BOD1L1: variants seen among roughly 807,000 people sequenced by gnomAD.
BOD1L1 encodes biorientation of chromosomes in cell division 1 like 1.
BOD1L1 carries 86 observed loss-of-function variants against 240.7 expected under a neutral mutation model. That is an observed-to-expected ratio of 0.36 (90% CI 0.30 to 0.43). The LOEUF is 0.43. Among genes scored for constraint, BOD1L1 ranks in the 20% least tolerant of loss-of-function variants. BOD1L1 has a pLI of 1.00. For synonymous variants in BOD1L1, 1,268 were observed against 1,272.3 expected (o/e 1.00, Z 0.07); for missense variants, 3,554 against 3,643.5 (o/e 0.98, Z 0.63).
At chr4:13,576,321 A>C (rs1208320423) in intron 25 of BOD1L1, among the ~76,000 whole-genome samples, 2 of 152,156 alleles carry the variant, frequency 1.3e-5, no homozygotes, top group Admixed American at 6.5e-5. Flanking sequence ...TTCTGGCTAC[A>C]ATAGGGTTTG....
At chr4:13,590,144 C>T (rs1415636041) in intron 14 of BOD1L1, among the ~76,000 whole-genome samples, 1 of 152,154 alleles carries the variant, frequency 6.6e-6, no homozygotes, top group Non-Finnish European at 1.5e-5. Flanking sequence ...TGGCAAAGTT[C>T]TAGTAGCTAT....
At position 13,603,002 on chromosome 4, in the gene BOD1L1, C is replaced by T. The variant is rs553385389; in HGVS notation, c.3898G>A (p.Val1300Ile). Residue 1300 changes from valine to isoleucine, a missense_variant, in exon 10 of 26, where the codon GTA becomes ATA. Val to Ile is a conservative substitution (Grantham distance 29). Around this residue, in one of 2 missense-constraint regions of BOD1L1, gnomAD observed 3,393 missense variants for 3,427.1 expected, o/e 0.99. Coordinates refer to ENST00000040738, the MANE Select transcript of BOD1L1 (RefSeq NM_148894.3). ...GTTCTTTTGTCAAACAGAGGAATTACATCTGGATCATACGATTCCCTCAGA... is the reference window on the plus strand; with the variant it reads ...GTTCTTTTGTCAAACAGAGGAATTATATCTGGATCATACGATTCCCTCAGA... ...VPLRESYDPDVIPLFDKRTVL... is the reference protein window; with the variant it reads ...VPLRESYDPDIIPLFDKRTVL... 5 of 1,614,028 alleles carry T rather than the reference C, an allele frequency of 3.1e-6. No homozygotes were observed. Among genetic ancestry groups the T allele is most frequent in the African/African-American group, 1.3e-5 (1 of 75,062 alleles).
In BOD1L1 at chr4:13,600,774, C is replaced by T; in HGVS notation, c.6126G>A (p.Glu2042=). ...CTGTAGTTGCCATGAGACCATCACA[C>T]TCTTCATTTTCTACAGAGGTGATGA... ...EDIITSVENE[E]CDGLMATTAS... is the part of the protein sequence containing the mutation. The change falls in exon 10 of 26, where the codon GAG becomes GAA. Residue 2042 remains glutamate, a synonymous_variant. Transcript: ENST00000040738. 2 of 1,614,018 alleles carry T rather than the reference C, an allele frequency of 1.2e-6. No homozygotes were observed. Among genetic ancestry groups the T allele is most frequent in the African/African-American group, 1.3e-5 (1 of 75,050 alleles).
intron 12 of BOD1L1, among the ~76,000 whole-genome samples, chr4:13,594,885 A>C (rs1478618579): frequency 6.6e-6 from 1 of 152,148 alleles, no homozygotes; most frequent in Non-Finnish European, 1.5e-5. Flanking sequence ...ACAGAGTGAG[A>C]CTCCATCTCA....
At chr4:13,598,716 T>A (rs1714817310) in intron 10 of BOD1L1, among the ~76,000 whole-genome samples, 1 of 152,142 alleles carries the variant, frequency 6.6e-6, no homozygotes, top group South Asian at 2.1e-4. Flanking sequence ...TCCCCACACA[T>A]GAGAAATGGG....
At chr4:13,575,005 C>T (rs771473261) in intron 25 of BOD1L1, among the ~76,000 whole-genome samples, 3 of 151,612 alleles carry the variant, frequency 2.0e-5, no homozygotes, top group South Asian at 2.1e-4. Context: ...CTGCAACCTC[C>T]ACCTCCCGAG....
At chr4:13,625,238 T>C (rs1053488606) in intron 1 of BOD1L1, 2 of 152,254 alleles carry the variant, frequency 1.3e-5, no homozygotes, top group Non-Finnish European at 2.9e-5. Context: ...AATAGGTTCT[T>C]ATTCCATGGT....
intron 10 of BOD1L1, among the ~76,000 whole-genome samples, chr4:13,598,126 C>T (rs1714769607): frequency 6.6e-6 from 1 of 152,196 alleles, no homozygotes. Flanking sequence ...CCAATCTGGA[C>T]TGGTATAAAG....
intron 12 of BOD1L1, among the ~76,000 whole-genome samples, chr4:13,595,583 C>T (rs1382713196): frequency 6.6e-6 from 1 of 152,142 alleles, no homozygotes. Context: ...TGGGATAGAG[C>T]AAGAGTTTGC....
At position 13,604,420 on chromosome 4, in the gene BOD1L1, T is replaced by C. The variant is rs1560206522; in HGVS notation, c.2480A>G (p.Lys827Arg). ...TTTTTCAGCTGACAAGCGTCTCTCTTTTTTGTTGTTTTCTTTACGAACATT... is the reference window on the plus strand; with the variant it reads ...TTTTTCAGCTGACAAGCGTCTCTCTCTTTTGTTGTTTTCTTTACGAACATT... ...DENVRKENNK[K>R]ERRLSAEKTK... Residue 827 changes from lysine to arginine, a missense_variant, in exon 10 of 26, where the codon AAA becomes AGA. Lys to Arg is a conservative substitution (Grantham distance 26). Coordinates refer to ENST00000040738, the MANE Select transcript of BOD1L1 (RefSeq NM_148894.3). 6.4e-7 allele frequency: 1 copy of C among 1,572,546 alleles called. No individual in the cohort carries two copies. The highest frequency in any genetic ancestry group is 8.6e-7 in the Non-Finnish European group (1 of 1,169,050).
At chr4:13,592,063 T>TAAA in intron 12 of BOD1L1, 97 bp from the exon 13 acceptor site, 8 of 845,096 alleles carry the variant, frequency 9.5e-6, no homozygotes, top group Non-Finnish European at 1.4e-5. Context: ...GAACCTATCC[T>TAAA]ATGTCACCAA....
At position 13,577,308 on chromosome 4, in the gene BOD1L1, C is replaced by T. The variant is rs561960833; in HGVS notation, c.8884+95G>A. 9 of 968,418 alleles carry T rather than the reference C, an allele frequency of 9.3e-6. No homozygotes were observed. The East Asian group carries it at 2.1e-4, about 22-fold the overall frequency. The allele number at this position is 968,418 out of a possible 1,614,324, so 60.0% of individuals were successfully genotyped here. ...CATATTTATATAATATTAATATTAGCTGTACCCATTGGATTTTTCCTCATT... is the reference window on the plus strand; with the variant it reads ...CATATTTATATAATATTAATATTAGTTGTACCCATTGGATTTTTCCTCATT... On this transcript the variant is annotated intron_variant, in intron 24 of 25. Coordinates refer to ENST00000040738, the MANE Select transcript of BOD1L1 (RefSeq NM_148894.3).
rs1461667049 is a variant in BOD1L1 at position 13,569,673 on chromosome 4, G to C, written c.*338C>G. The C allele has an allele frequency of 5.6e-6, 1 of 178,238 alleles. No homozygotes were observed. The highest frequency in any genetic ancestry group is 1.2e-5 in the Non-Finnish European group (1 of 86,030). 11.0% of individuals were successfully genotyped at this position (178,238 alleles called of 1,614,324 possible). A position where few individuals can be genotyped will look rare whatever the true frequency, so the allele number is the denominator to read the frequency against. On this transcript the variant is annotated 3_prime_UTR_variant, in exon 26 of 26. Coordinates refer to ENST00000040738, the MANE Select transcript of BOD1L1 (RefSeq NM_148894.3). Reference sequence around the variant, plus strand: ...TTTATATACTATACACAGATTACCAGTAGGCAGCCTGGCGTCTGATGGGCT... The same window carrying C: ...TTTATATACTATACACAGATTACCACTAGGCAGCCTGGCGTCTGATGGGCT...
At position 13,601,148 on chromosome 4, in the gene BOD1L1, C is replaced by T; in HGVS notation, c.5752G>A (p.Glu1918Lys). The T allele has an allele frequency of 6.2e-7, 1 of 1,614,014 alleles. No individual in the cohort carries two copies. Among genetic ancestry groups the T allele is most frequent in the East Asian group, 2.2e-5 (1 of 44,880 alleles). The change falls in exon 10 of 26, where the codon GAG (glutamate) becomes AAG (lysine). Residue 1918 changes from glutamate (E) to lysine (K), a missense_variant. By Grantham distance (56) the Glu-to-Lys change is moderately conservative. Transcript: ENST00000040738. ...IGTVVEHVEA[E>K]AGAAIMNANE... ...GCATTCATGATGGCAGCTCCAGCCT[C>T]AGCTTCCACATGCTCTACCACAGTA...
At chr4:13,590,339 T>C (rs1252056174) in intron 14 of BOD1L1, 47 bp downstream of exon 14, 6 of 1,040,488 alleles carry the variant, frequency 5.8e-6, no homozygotes, top group African/African-American at 1.6e-5. Context: ...ACTCAATAAA[T>C]GTTAACTATA....
At chr4:13,587,826 G>T in intron 15 of BOD1L1, 55 bp from the exon 16 acceptor site, 1 of 1,186,146 alleles carries the variant, frequency 8.4e-7, no homozygotes, top group Non-Finnish European at 1.2e-6. Context: ...CAAATAAACT[G>T]AAAGAGGAGC....
chr4:13,594,758 G>A (rs1268203535), intron 12 of BOD1L1, among the ~76,000 whole-genome samples: 1 of 152,142 alleles, frequency 6.6e-6, no homozygotes, highest in Non-Finnish European at 1.5e-5. Flanking sequence ...AGCTGGGCAT[G>A]GTGGTGTGTG....
Position 13,601,689 on chromosome 4 carries a change from A to G in BOD1L1, c.5211T>C (p.Asp1737=). 1.9e-6 allele frequency: 3 copies of G among 1,613,982 alleles called. No individual in the cohort carries two copies. Among genetic ancestry groups the G allele is most frequent in the Non-Finnish European group, 2.5e-6 (3 of 1,179,900 alleles). ...VTCTGAEGRS[D]NFVICSVTGA... ...CAGTTACTGAGCAGATCACAAAGTT[A>G]TCACTTCTGCCTTCTGCTCCTGTAC... Residue 1737 remains aspartate, a synonymous_variant, in exon 10 of 26, where the codon GAT becomes GAC. Transcript: ENST00000040738.
At chr4:13,588,918 A>G (rs1372853024) in intron 14 of BOD1L1, 126 bp from the exon 15 acceptor site, 5 of 587,062 alleles carry the variant, frequency 8.5e-6, no homozygotes, top group Non-Finnish European at 1.2e-5. Context: ...CCAGTTATAT[A>G]CAGGGCATTG....
Sources: gnomAD v4.1 joint callset for allele counts (sites outside exome capture counted in the v4.1 genomes callset) on GRCh38, gnomAD v4.1.1 for gene constraint, gnomAD v4.1.1 regional missense constraint, MANE v1.5 for transcripts, NCBI Gene and HGNC (gene_info 2026-07-23, HGNC 2026-07-21) for gene names.